The following MDGA2 variants were observed in gnomAD, a reference collection of about 807,000 sequenced individuals.
MDGA2 encodes MAM domain containing glycosylphosphatidylinositol anchor 2.
A neutral mutation model predicts 117.8 loss-of-function variants in MDGA2; 40 were observed. That is an observed-to-expected ratio of 0.34 (90% CI 0.26 to 0.44). MDGA2 has a LOEUF of 0.44. Among genes scored for constraint, MDGA2 ranks in the 20% least tolerant of loss-of-function variants. The pLI is 1.00. For missense variants in MDGA2, 1,123 were observed against 1,250.6 expected (o/e 0.90, Z 1.54); for synonymous variants, 452 against 439.0 (o/e 1.03, Z -0.37).
intron 2 of MDGA2, among the ~76,000 whole-genome samples, chr14:47,296,320 C>T (rs1594779595): frequency 6.6e-6 from 1 of 152,054 alleles, no homozygotes; most frequent in African/African-American, 2.4e-5. Context: ...CTTTTAAAAA[C>T]AAAAACTTGA....
At chr14:46,951,181 T>C (rs566079763) in intron 9 of MDGA2, among the ~76,000 whole-genome samples, 34 of 152,068 alleles carry the variant, frequency 2.2e-4, no homozygotes, top group East Asian at 1.7e-3. Flanking sequence ...AAAATTTTGC[T>C]TTGTAAAACC....
chr14:46,888,047 G>T (rs1882737276), intron 10 of MDGA2, among the ~76,000 whole-genome samples: 1 of 151,764 alleles, frequency 6.6e-6, no homozygotes, highest in Non-Finnish European at 1.5e-5. Context: ...GAGATACGTT[G>T]ATGTTGTTAC....
chr14:47,263,287 G>A (rs1887859543), intron 2 of MDGA2, among the ~76,000 whole-genome samples: 1 of 151,730 alleles, frequency 6.6e-6, no homozygotes, highest in Non-Finnish European at 1.5e-5. Flanking sequence ...ATTATAAATT[G>A]TTATTTTGTT....
chr14:47,475,218 T>C (rs1466434791), intron 1 of MDGA2, among the ~76,000 whole-genome samples: 1 of 152,014 alleles, frequency 6.6e-6, no homozygotes, highest in Non-Finnish European at 1.5e-5. Flanking sequence ...CCAAGAAACA[T>C]ATTGAAGGTC....
intron 5 of MDGA2, among the ~76,000 whole-genome samples, chr14:47,110,002 G>C (rs1341326008): frequency 6.6e-6 from 1 of 152,148 alleles, no homozygotes; most frequent in Non-Finnish European, 1.5e-5. Context: ...CTGTGAAATA[G>C]TGTGACAGAT....
chr14:47,551,241 G>A (rs1895574789), intron 1 of MDGA2, among the ~76,000 whole-genome samples: 1 of 152,082 alleles, frequency 6.6e-6, no homozygotes, highest in Non-Finnish European at 1.5e-5. Context: ...GACTGCTTAG[G>A]TAGGTGGTTT....
chr14:47,300,644 C>G (rs1280645917), intron 2 of MDGA2, among the ~76,000 whole-genome samples: 1 of 151,624 alleles, frequency 6.6e-6, no homozygotes, highest in Admixed American at 6.6e-5. Flanking sequence ...TGTGCAACAC[C>G]AGGCCCAGAT....
At chr14:47,398,742 GT>G (rs1892070068) in intron 1 of MDGA2, among the ~76,000 whole-genome samples, 4 of 152,054 alleles carry the variant, frequency 2.6e-5, no homozygotes, top group Admixed American at 2.0e-4. Flanking sequence ...TCCCTAATAT[GT>G]AGCACAAACT....
intron 3 of MDGA2, among the ~76,000 whole-genome samples, chr14:47,146,897 C>T (rs1361126839): frequency 6.6e-6 from 1 of 152,138 alleles, no homozygotes; most frequent in Non-Finnish European, 1.5e-5. Flanking sequence ...ACCTGTTCTT[C>T]CCTGGTCTGG....
intron 14 of MDGA2, among the ~76,000 whole-genome samples, chr14:46,866,369 T>G (rs1881760620): frequency 6.6e-6 from 1 of 152,150 alleles, no homozygotes; most frequent in Non-Finnish European, 1.5e-5. Context: ...ATTCCTTCCT[T>G]ACACCTTATA....
At chr14:46,927,692 C>T (rs1056349428) in intron 9 of MDGA2, among the ~76,000 whole-genome samples, 1 of 152,176 alleles carries the variant, frequency 6.6e-6, no homozygotes, top group Non-Finnish European at 1.5e-5. Flanking sequence ...CGCGTTTGTA[C>T]TTGAGACAGA....
chr14:47,555,309 A>C (rs1895662399), intron 1 of MDGA2, among the ~76,000 whole-genome samples: 1 of 152,104 alleles, frequency 6.6e-6, no homozygotes, highest in African/African-American at 2.4e-5. Context: ...CTGGAGTCTC[A>C]TTCTTATAAG....
At chr14:46,915,183 TC>T (rs1194913867) in intron 10 of MDGA2, among the ~76,000 whole-genome samples, 1 of 152,168 alleles carries the variant, frequency 6.6e-6, no homozygotes, top group African/African-American at 2.4e-5. Context: ...AGTTCAGAAT[TC>T]AAGAGTGATT....
intron 1 of MDGA2, among the ~76,000 whole-genome samples, chr14:47,672,448 C>G (rs538044305): frequency 1.3e-5 from 2 of 152,162 alleles, no homozygotes; most frequent in Admixed American, 1.3e-4. Flanking sequence ...AGATCTTACC[C>G]TTTTCCACTA....
chr14:47,587,231 C>T (rs1200366730), intron 1 of MDGA2, among the ~76,000 whole-genome samples: 1 of 151,606 alleles, frequency 6.6e-6, no homozygotes, highest in African/African-American at 2.4e-5. Flanking sequence ...ATAATCTGTA[C>T]AAAAACGACC....
chr14:46,904,950 C>G (rs1883431913), intron 10 of MDGA2, among the ~76,000 whole-genome samples: 1 of 152,040 alleles, frequency 6.6e-6, no homozygotes. Context: ...TATGTGGAAC[C>G]AATGGAAATA....
chr14:47,396,945 C>T (rs1215484597), intron 1 of MDGA2, among the ~76,000 whole-genome samples: 3 of 152,088 alleles, frequency 2.0e-5, no homozygotes. Flanking sequence ...GGATCTAGAA[C>T]CAGAAATACC....
intron 2 of MDGA2, among the ~76,000 whole-genome samples, chr14:47,282,717 A>AAAAC (rs1888541090): frequency 2.7e-5 from 4 of 148,162 alleles, no homozygotes; most frequent in Non-Finnish European, 3.0e-5. Context: ...ACAAAAAACA[A>AAAAC]AAAACAAAAA....
At chr14:47,176,265 A>T (rs1278122596) in intron 3 of MDGA2, among the ~76,000 whole-genome samples, 1 of 152,186 alleles carries the variant, frequency 6.6e-6, no homozygotes, top group Non-Finnish European at 1.5e-5. Context: ...CCATCAAGCT[A>T]CCAATGCCTT....
Sources: allele counts gnomAD v4.1 joint callset (sites outside exome capture counted in the v4.1 genomes callset), GRCh38; gene constraint gnomAD v4.1.1; transcripts MANE v1.5; gene names NCBI Gene and HGNC (gene_info 2026-07-23, HGNC 2026-07-21).